TRHDE: variants seen among roughly 807,000 people sequenced by gnomAD.
TRHDE encodes the protein thyrotropin releasing hormone degrading enzyme, also known as thyrotropin-releasing hormone-degrading ectoenzyme.
In TRHDE, 72 loss-of-function variants were observed where a neutral mutation model predicts 125.7. That is an observed-to-expected ratio of 0.57 (90% CI 0.47 to 0.70). The LOEUF is 0.70. Ranked by LOEUF, TRHDE falls within the 30% of genes least tolerant of loss-of-function variation. TRHDE has a pLI of 0.00. For synonymous variants in TRHDE, 509 were observed against 509.1 expected (o/e 1.00, Z 0.00); for missense variants, 1,110 against 1,327.1 (o/e 0.84, Z 2.54).
At chr12:72,207,204 T>C (rs572880200) in intron 2 of TRHDE, among the ~76,000 whole-genome samples, 1 of 152,176 alleles carries the variant, frequency 6.6e-6, no homozygotes, top group East Asian at 1.9e-4. Context: ...AGAAAAGATA[T>C]GTGCAAAATA....
chr12:72,505,862 C>T (rs990470036), intron 6 of TRHDE, among the ~76,000 whole-genome samples: 1 of 152,148 alleles, frequency 6.6e-6, no homozygotes, highest in Non-Finnish European at 1.5e-5. Flanking sequence ...CCATTTGTAT[C>T]TATCACCCCT....
chr12:72,419,621 A>G (rs1228699024), intron 3 of TRHDE, among the ~76,000 whole-genome samples: 2 of 152,192 alleles, frequency 1.3e-5, no homozygotes, highest in African/African-American at 4.8e-5. Context: ...GGTGCTAACC[A>G]TTTATGAGAA....
At chr12:72,524,949 A>T (rs781602890) in intron 6 of TRHDE, among the ~76,000 whole-genome samples, 1 of 152,308 alleles carries the variant, frequency 6.6e-6, no homozygotes, top group South Asian at 2.1e-4. Flanking sequence ...AATCCTTTTC[A>T]TGTGGAAAGT....
intron 3 of TRHDE, among the ~76,000 whole-genome samples, chr12:72,419,946 G>A (rs949653557): frequency 3.9e-5 from 6 of 152,148 alleles, no homozygotes; most frequent in African/African-American, 1.4e-4. Flanking sequence ...TGGAAATGGA[G>A]AAATGTCTCA....
At chr12:72,103,991 G>A (rs1045343422) in intron 1 of TRHDE, among the ~76,000 whole-genome samples, 1 of 152,140 alleles carries the variant, frequency 6.6e-6, no homozygotes, top group South Asian at 2.1e-4. Context: ...GCATAGGGAG[G>A]TGGTAATTCT....
intron 15 of TRHDE, among the ~76,000 whole-genome samples, chr12:72,637,793 T>C (rs1327892752): frequency 6.6e-6 from 1 of 152,142 alleles, no homozygotes; most frequent in Non-Finnish European, 1.5e-5. Flanking sequence ...GGTTGTTCAG[T>C]TTCCATGTAG....
At chr12:72,517,070 A>C (rs1461183367) in intron 6 of TRHDE, among the ~76,000 whole-genome samples, 1 of 151,828 alleles carries the variant, frequency 6.6e-6, no homozygotes, top group African/African-American at 2.4e-5. Context: ...GTATTTTGGC[A>C]TCAATGTTCA....
intron 1 of TRHDE, among the ~76,000 whole-genome samples, chr12:72,093,746 GTCTA>G (rs1447744113): frequency 6.6e-5 from 10 of 152,192 alleles, no homozygotes; most frequent in East Asian, 5.8e-4. Flanking sequence ...TTGTTTAGTT[GTCTA>G]TCTGTCTTCT....
rs755051819 is a variant in TRHDE, at chr12:72,473,150, T to G, written c.1554T>G (p.Gly518=). The G allele has an allele frequency of 1.2e-6, 2 of 1,613,964 alleles. No individual in the cohort carries two copies. The highest frequency in any genetic ancestry group is 1.7e-5 in the Admixed American group (1 of 60,008). Residue 518 remains glycine, a synonymous_variant, in exon 5 of 19, where the codon GGT becomes GGG. Coordinates refer to ENST00000261180, the MANE Select transcript of TRHDE (RefSeq NM_013381.3). ...EGFAHYFEFV[G]TDYLYPGWNM... The stretch of plus-strand genomic sequence containing the variant: ...TTGCTCACTACTTTGAATTTGTTGG[T>G]ACAGACTACCTCTATCCTGGCTGGA...
chr12:72,385,518 A>G (rs964928366), intron 3 of TRHDE, among the ~76,000 whole-genome samples: 1 of 152,114 alleles, frequency 6.6e-6, no homozygotes, highest in Non-Finnish European at 1.5e-5. Context: ...ATAAACCAAA[A>G]TATCAGTTAT....
chr12:72,239,232 T>TGGG (rs1491212587), intron 2 of TRHDE, among the ~76,000 whole-genome samples: 1 of 23,746 alleles, frequency 4.2e-5, no homozygotes, highest in Non-Finnish European at 1.3e-4. Context: ...CACTTTTTGA[T>TGGG]TTTTTTTTTT....
intron 4 of TRHDE, among the ~76,000 whole-genome samples, chr12:72,470,863 CTTTTTTTTTTTTTT>C (rs768937293): frequency 1.2e-4 from 8 of 67,932 alleles, no homozygotes; most frequent in African/African-American, 2.5e-4. Context: ...TAAATGTCAG[CTTTTTTTTTTTTTT>C]TTTTTTTTTT....
chr12:72,655,280 C>T (rs555513915), intron 17 of TRHDE, among the ~76,000 whole-genome samples: 19 of 152,204 alleles, frequency 1.2e-4, no homozygotes, highest in Admixed American at 1.2e-3. Flanking sequence ...CCCATGTTGA[C>T]CAGGCTGGTC....
intron 7 of TRHDE, among the ~76,000 whole-genome samples, chr12:72,553,764 C>G (rs1362802667): frequency 1.3e-5 from 2 of 151,688 alleles, no homozygotes; most frequent in African/African-American, 4.8e-5. Flanking sequence ...CAATTTCCTC[C>G]TTCAGGTTAG....
chr12:72,142,605 C>A (rs578139869), intron 2 of TRHDE, among the ~76,000 whole-genome samples: 1 of 152,164 alleles, frequency 6.6e-6, no homozygotes, highest in Admixed American at 6.5e-5. Flanking sequence ...TAAATGAGAA[C>A]AGACATTCCT....
At chr12:72,287,426 A>C (rs562387989) in intron 2 of TRHDE, among the ~76,000 whole-genome samples, 1 of 152,316 alleles carries the variant, frequency 6.6e-6, no homozygotes, top group Admixed American at 6.5e-5. Flanking sequence ...ATTGCTGAGA[A>C]AGTAAAACAT....
chr12:72,351,121 A>C (rs1163789248), intron 2 of TRHDE, among the ~76,000 whole-genome samples: 1 of 152,000 alleles, frequency 6.6e-6, no homozygotes, highest in Non-Finnish European at 1.5e-5. Context: ...CAGACAAAAT[A>C]CTTCACAAAC....
At chr12:72,201,149 A>G (rs1592481042) in intron 2 of TRHDE, among the ~76,000 whole-genome samples, 1 of 152,186 alleles carries the variant, frequency 6.6e-6, no homozygotes, top group Admixed American at 6.5e-5. Flanking sequence ...GAATGGAAAG[A>G]GATGCAATTG....
intron 17 of TRHDE, among the ~76,000 whole-genome samples, chr12:72,655,798 A>C (rs1031950025): frequency 6.6e-6 from 1 of 152,152 alleles, no homozygotes; most frequent in African/African-American, 2.4e-5. Context: ...GTACCCACAT[A>C]CTGATTGAAA....
Sources: allele counts gnomAD v4.1 joint callset (sites outside exome capture counted in the v4.1 genomes callset), GRCh38; gene constraint gnomAD v4.1.1; transcripts MANE v1.5; gene names NCBI Gene and HGNC (gene_info 2026-07-23, HGNC 2026-07-21).